CDH13: variants seen among roughly 807,000 people sequenced by gnomAD.
CDH13 encodes the protein cadherin-13.
A neutral mutation model predicts 63.8 loss-of-function variants in CDH13; 24 were observed. The observed-to-expected ratio is 0.38, with a 90% CI of 0.27 to 0.53. The LOEUF (loss-of-function observed/expected upper bound fraction) is 0.53, where lower values mean the gene tolerates loss of function less well. Ranked by LOEUF, CDH13 falls within the 20% of genes least tolerant of loss-of-function variation. The pLI, the probability that CDH13 is intolerant of heterozygous loss-of-function variation, is 0.85. For missense variants in CDH13, 1,049 were observed against 903.1 expected, an observed-to-expected ratio of 1.16 and a Z score of -2.07; for synonymous variants, 503 against 355.3, an observed-to-expected ratio of 1.42 and a Z score of -4.67.
intron 11 of CDH13, among the ~76,000 whole-genome samples, chr16:83,765,738 A>C (rs1914334340): frequency 6.6e-6 from 1 of 152,164 alleles, no homozygotes; most frequent in Admixed American, 6.5e-5. Context: ...ATAAAATAAA[A>C]CAAAGGATAA....
At chr16:82,640,929 G>A (rs1439586665) in intron 1 of CDH13, among the ~76,000 whole-genome samples, 2 of 152,158 alleles carry the variant, frequency 1.3e-5, no homozygotes, top group African/African-American at 4.8e-5. Context: ...ACACGCTCTT[G>A]GATTGAATTC....
intron 10 of CDH13, among the ~76,000 whole-genome samples, chr16:83,729,777 C>T (rs1046968375): frequency 6.6e-6 from 1 of 152,232 alleles, no homozygotes; most frequent in African/African-American, 2.4e-5. Context: ...TTATTATCAT[C>T]ATCATGATCA....
intron 2 of CDH13, among the ~76,000 whole-genome samples, chr16:82,908,859 C>T (rs1003886512): frequency 2.0e-5 from 3 of 152,190 alleles, no homozygotes; most frequent in Non-Finnish European, 2.9e-5. Flanking sequence ...TGAATGGCTC[C>T]ACTTATCCAC....
chr16:82,663,344 G>A (rs977332262), intron 1 of CDH13, among the ~76,000 whole-genome samples: 5 of 152,120 alleles, frequency 3.3e-5, no homozygotes, highest in East Asian at 3.9e-4. Flanking sequence ...GCAGCACCAG[G>A]CCCGGCTAAT....
intron 1 of CDH13, among the ~76,000 whole-genome samples, chr16:82,761,234 T>C (rs1468883619): frequency 2.6e-5 from 4 of 151,770 alleles, no homozygotes; most frequent in Non-Finnish European, 5.9e-5. Flanking sequence ...GCCAGGCTGG[T>C]CTTGAACTCC....
At chr16:83,251,162 T>A (rs1241461447) in intron 5 of CDH13, among the ~76,000 whole-genome samples, 4 of 152,128 alleles carry the variant, frequency 2.6e-5, no homozygotes, top group African/African-American at 9.7e-5. Flanking sequence ...TTTCATAGAT[T>A]TGTAAGATAT....
chr16:83,028,831 T>A (rs1916051485), intron 2 of CDH13, among the ~76,000 whole-genome samples: 2 of 152,186 alleles, frequency 1.3e-5, no homozygotes, highest in South Asian at 4.1e-4. Context: ...AGCCAAGCCA[T>A]GGAGATGGGG....
intron 5 of CDH13, among the ~76,000 whole-genome samples, chr16:83,252,382 C>A (rs1905684300): frequency 6.6e-6 from 1 of 151,190 alleles, no homozygotes; most frequent in South Asian, 2.1e-4. Flanking sequence ...ATAATCATGG[C>A]CATAACTTCC....
intron 1 of CDH13, among the ~76,000 whole-genome samples, chr16:82,655,306 G>A (rs563576631): frequency 3.3e-4 from 50 of 152,344 alleles, no homozygotes; most frequent in African/African-American, 1.0e-3. Context: ...AAAGGGTAAA[G>A]TGTGACGAAG....
At chr16:83,095,925 C>G (rs1253590655) in intron 3 of CDH13, among the ~76,000 whole-genome samples, 1 of 152,086 alleles carries the variant, frequency 6.6e-6, no homozygotes, top group East Asian at 1.9e-4. Flanking sequence ...ATATTAATGC[C>G]AATTTCAGGG....
chr16:82,668,611 C>G (rs1026118391), intron 1 of CDH13, among the ~76,000 whole-genome samples: 1 of 152,146 alleles, frequency 6.6e-6, no homozygotes. Context: ...GTTTGAGGCC[C>G]TGTCTTTTAT....
intron 2 of CDH13, among the ~76,000 whole-genome samples, chr16:82,996,863 G>A (rs1022315919): frequency 2.0e-5 from 3 of 151,898 alleles, no homozygotes; most frequent in Non-Finnish European, 4.4e-5. Context: ...TTACGGTGGT[G>A]GTGATGATGA....
intron 2 of CDH13, among the ~76,000 whole-genome samples, chr16:82,978,050 G>C (rs1199765756): frequency 6.6e-6 from 1 of 152,154 alleles, no homozygotes; most frequent in African/African-American, 2.4e-5. Flanking sequence ...ACAGGGACTG[G>C]TGGCATTTTC....
intron 10 of CDH13, among the ~76,000 whole-genome samples, chr16:83,684,184 T>G (rs1210291224): frequency 6.6e-6 from 1 of 152,044 alleles, no homozygotes; most frequent in African/African-American, 2.4e-5. Flanking sequence ...CTGGCCAACA[T>G]GACGAAACGC....
At chr16:82,781,984 A>T (rs1460019176) in intron 1 of CDH13, among the ~76,000 whole-genome samples, 1 of 152,216 alleles carries the variant, frequency 6.6e-6, no homozygotes, top group Admixed American at 6.5e-5. Context: ...GTGAACCTAA[A>T]TGTCATATGT....
chr16:82,843,943 G>T (rs2039140687), intron 1 of CDH13, among the ~76,000 whole-genome samples: 1 of 152,154 alleles, frequency 6.6e-6, no homozygotes, highest in Admixed American at 6.5e-5. Context: ...CAGGAATGTG[G>T]GTGATCATGG....
chr16:82,949,592 T>C (rs1031586009), intron 2 of CDH13, among the ~76,000 whole-genome samples: 1 of 152,206 alleles, frequency 6.6e-6, no homozygotes, highest in Non-Finnish European at 1.5e-5. Flanking sequence ...ATCTTTTCTA[T>C]GATACTGGGT....
intron 8 of CDH13, among the ~76,000 whole-genome samples, chr16:83,636,605 G>T (rs534775178): frequency 6.6e-6 from 1 of 152,194 alleles, no homozygotes; most frequent in Non-Finnish European, 1.5e-5. Flanking sequence ...CAAAGGACAT[G>T]ATTTCATTAT....
chr16:83,564,405 T>G (rs1202312325), intron 7 of CDH13, among the ~76,000 whole-genome samples: 1 of 6,248 alleles, frequency 1.6e-4, no homozygotes, highest in Non-Finnish European at 3.5e-4. Context: ...ACTCTTTTTT[T>G]TTTTTTTTTT....
Sources: allele counts gnomAD v4.1 joint callset (sites outside exome capture counted in the v4.1 genomes callset), GRCh38; gene constraint gnomAD v4.1.1; transcripts MANE v1.5; gene names NCBI Gene and HGNC (gene_info 2026-07-23, HGNC 2026-07-21).